Variants in ZNF28 observed in about 807,000 individuals in gnomAD.
ZNF28 encodes zinc finger protein KOX24.
ZNF28 carries 5 observed loss-of-function variants against 7.2 expected under a neutral mutation model. That is an observed-to-expected ratio of 0.70 (90% CI 0.36 to 1.46). ZNF28 has a LOEUF of 1.46. Among genes scored for constraint, ZNF28 ranks in the 40% most tolerant of loss-of-function variants. The pLI is 0.03. For synonymous variants in ZNF28, 288 were observed against 292.4 expected (o/e 0.99, Z 0.15); for missense variants, 879 against 866.6 (o/e 1.01, Z -0.18).
chr19:52,811,702 C>T (rs1449962213), intron 2 of ZNF28, among the ~76,000 whole-genome samples: 11 of 149,502 alleles, frequency 7.4e-5, no homozygotes, highest in Admixed American at 4.0e-4. Flanking sequence ...CCGGCAACCA[C>T]CCCGTCTGGG....
At chr19:52,820,179 G>A (rs1452073465) in intron 1 of ZNF28, among the ~76,000 whole-genome samples, 3 of 105,458 alleles carry the variant, frequency 2.8e-5, no homozygotes, top group Non-Finnish European at 5.7e-5. Context: ...CTGCAGTGGC[G>A]CAATCTCGGC....
At chr19:52,809,916 G>C (rs370694307) in intron 2 of ZNF28, 2 of 845,498 alleles carry the variant, frequency 2.4e-6, no homozygotes, top group African/African-American at 3.3e-5. Flanking sequence ...TGTGCCCGGG[G>C]CCGGTGGGGA....
At chr19:52,808,267 C>T (rs975224831) in intron 2 of ZNF28, 134 bp from the exon 3 acceptor site, 15 of 1,487,140 alleles carry the variant, frequency 1.0e-5, no homozygotes. Flanking sequence ...GATTTTTCAC[C>T]ACATGATGTT....
rs1568644921 is a variant in ZNF28, at chr19:52,800,136, CTATG to C, written c.1705_1708del (p.His569GlyfsTer54). On this transcript the variant is annotated frameshift_variant, in exon 4 of 4. Transcript: ENST00000457749. LOFTEE classifies it low-confidence loss of function (END_TRUNC). ...CGGTTTCTCTCCAGTATGAATCCTC[CTATG>C]TCTTTCCATGTGTGATTTGCGACTG... 6.2e-7 allele frequency: 1 copy of C among 1,613,732 alleles called. No homozygotes were observed.
chr19:52,808,047 C>A lies in ZNF28; in HGVS notation c.102G>T (p.Arg34Ser). ...CLDPAQRTLY[R>S]DVMLENYRNL... ...TCCTATAATTCTCCAGCATCACATCCCTGTAAAGAGTCCTCTGAGCAGGGT... is the reference window on the plus strand; with the variant it reads ...TCCTATAATTCTCCAGCATCACATCACTGTAAAGAGTCCTCTGAGCAGGGT... The change falls in exon 3 of 4, where the codon AGG becomes AGT. Residue 34 changes from arginine (R) to serine (S), a missense_variant. Physicochemically the swap from Arg to Ser is moderately radical, Grantham distance 110. Coordinates refer to ENST00000457749, the MANE Select transcript of ZNF28 (RefSeq NM_006969.5). The A allele has an allele frequency of 6.2e-7, 1 of 1,613,560 alleles. No individual in the cohort carries two copies. The highest frequency in any genetic ancestry group is 1.3e-5 in the African/African-American group (1 of 75,030).
At chr19:52,812,511 T>TTAAA (rs1226183052) in intron 2 of ZNF28, among the ~76,000 whole-genome samples, 1 of 122,800 alleles carries the variant, frequency 8.1e-6, no homozygotes, top group African/African-American at 3.5e-5. Flanking sequence ...CCACTCAGGG[T>TTAAA]TAAATGGATT....
intron 2 of ZNF28, chr19:52,810,759 A>AG: frequency 1.7e-6 from 1 of 584,404 alleles, no homozygotes; most frequent in Admixed American, 3.1e-5. Flanking sequence ...GAAGGGGAAA[A>AG]AAAAAGAATA....
chr19:52,810,218 C>T, intron 2 of ZNF28: 2 of 1,112,682 alleles, frequency 1.8e-6, no homozygotes, highest in South Asian at 1.2e-5. Flanking sequence ...TACAGAACGA[C>T]GTAGAGAAGC....
At chr19:52,804,184 G>A (rs2062907998) in intron 3 of ZNF28, among the ~76,000 whole-genome samples, 1 of 152,186 alleles carries the variant, frequency 6.6e-6, no homozygotes, top group African/African-American at 2.4e-5. Context: ...AAAGCATGAA[G>A]AAGGCTGTCA....
At chr19:52,809,042 A>G (rs189081561) in intron 2 of ZNF28, among the ~76,000 whole-genome samples, 3 of 152,316 alleles carry the variant, frequency 2.0e-5, no homozygotes, top group Admixed American at 1.3e-4. Context: ...GTGGGGATAT[A>G]TATGTACATA....
chr19:52,811,338 T>G (rs2063034635), intron 2 of ZNF28, among the ~76,000 whole-genome samples: 1 of 148,688 alleles, frequency 6.7e-6, no homozygotes, highest in South Asian at 2.1e-4. Flanking sequence ...GAGGAGCGAC[T>G]CTGCCTGGCC....
intron 3 of ZNF28, among the ~76,000 whole-genome samples, chr19:52,803,524 G>A (rs2062899677): frequency 1.3e-5 from 2 of 152,148 alleles, no homozygotes; most frequent in South Asian, 4.1e-4. Context: ...GATTTATACA[G>A]ACTGAAGAAT....
intron 2 of ZNF28, among the ~76,000 whole-genome samples, chr19:52,812,671 T>C (rs2063067635): frequency 7.4e-6 from 1 of 135,054 alleles, no homozygotes; most frequent in South Asian, 2.5e-4. Flanking sequence ...CAGAGACCTT[T>C]GTTCACTTGT....
rs1481211961 is a variant in ZNF28, at chr19:52,819,394, A to T, written c.-73-1363T>A. 4.2e-5 allele frequency among the ~76,000 whole-genome samples: 4 copies of T among 95,708 alleles called. 2 individuals carry two copies. The highest frequency in any genetic ancestry group is 1.7e-4 in the African/African-American group (4 of 23,886). The allele number at this position is 95,708 out of a possible 152,430, so 62.8% of individuals were successfully genotyped here. On this transcript the variant is annotated intron_variant, in intron 1 of 3. Transcript: ENST00000457749. ...TCTACCACTCTCTTTCTTCCATTCT[A>T]TTGCTTTTTTTTTTCATTTTTGGGG...
chr19:52,819,710 T>C (rs1185401356), intron 1 of ZNF28, among the ~76,000 whole-genome samples: 2 of 142,912 alleles, frequency 1.4e-5, no homozygotes, highest in African/African-American at 5.8e-5. Context: ...ACTGGTCTTA[T>C]CATCCCATCC....
At chr19:52,810,434 G>T in intron 2 of ZNF28, 1 of 1,601,880 alleles carries the variant, frequency 6.2e-7, no homozygotes, top group South Asian at 1.1e-5. Flanking sequence ...ATCCCAAAGG[G>T]TTTGCATATA....
intron 2 of ZNF28, among the ~76,000 whole-genome samples, chr19:52,813,496 T>C (rs1311163314): frequency 2.5e-5 from 3 of 121,792 alleles, no homozygotes; most frequent in Non-Finnish European, 4.9e-5. Flanking sequence ...TAGGAGGTTT[T>C]TTTTTTTACC....
Position 52,798,373 on chromosome 19 carries a change from C to A in ZNF28, c.*1315G>T. The A allele has an allele frequency of 2.8e-6, 1 of 358,098 alleles. No homozygotes were observed. The highest frequency in any genetic ancestry group is 2.3e-5 in the South Asian group (1 of 42,656). 22.2% of individuals were successfully genotyped at this position (358,098 alleles called of 1,614,324 possible). ...ATGTTAAGTCAACTCAAACTCAGGT[C>A]AGTGCTCATTTAACTGTAATGTCAA... is the stretch of plus-strand genomic sequence containing the variant. On this transcript the variant is annotated 3_prime_UTR_variant, in exon 4 of 4. Transcript: ENST00000457749.
At chr19:52,820,717 C>T (rs1374269132) in intron 1 of ZNF28, among the ~76,000 whole-genome samples, 1 of 151,922 alleles carries the variant, frequency 6.6e-6, no homozygotes, top group South Asian at 2.1e-4. Flanking sequence ...GCTGTCTGTC[C>T]TTCATCTCTC....
Sources: allele counts gnomAD v4.1 joint callset (sites outside exome capture counted in the v4.1 genomes callset), GRCh38; gene constraint gnomAD v4.1.1; transcripts MANE v1.5; gene names NCBI Gene and HGNC (gene_info 2026-07-23, HGNC 2026-07-21).